HCN1: variants seen among roughly 807,000 people sequenced by gnomAD.
HCN1 encodes the protein potassium/sodium hyperpolarization-activated cyclic nucleotide-gated channel 1.
A neutral mutation model predicts 78.9 loss-of-function variants in HCN1; 13 were observed. The ratio of observed to expected loss-of-function variants is 0.16; its 90% CI spans 0.11 to 0.26. The LOEUF (loss-of-function observed/expected upper bound fraction) is 0.26. Ranked by LOEUF, HCN1 falls within the 10% of genes least tolerant of loss-of-function variation. The pLI is 1.00. For synonymous variants in HCN1, 552 were observed against 455.5 expected (o/e 1.21, Z -2.70); for missense variants, 810 against 1,154.3 (o/e 0.70, Z 4.32).
chr5:45,671,319 T>C (rs1746145343), intron 1 of HCN1, among the ~76,000 whole-genome samples: 1 of 151,500 alleles, frequency 6.6e-6, no homozygotes, highest in Non-Finnish European at 1.5e-5. Flanking sequence ...TACTCTGTCC[T>C]ATTAACCCTA....
At chr5:45,312,097 G>T (rs1389830364) in intron 5 of HCN1, among the ~76,000 whole-genome samples, 1 of 152,126 alleles carries the variant, frequency 6.6e-6, no homozygotes, top group African/African-American at 2.4e-5. Flanking sequence ...GATGTTTCTG[G>T]GATCCACCTT....
intron 2 of HCN1, among the ~76,000 whole-genome samples, chr5:45,476,734 A>C (rs1275849078): frequency 6.6e-6 from 1 of 152,138 alleles, no homozygotes; most frequent in Non-Finnish European, 1.5e-5. Flanking sequence ...ATACAGGCTG[A>C]GGATCTCTAA....
At chr5:45,387,265 G>T (rs1324991371) in intron 4 of HCN1, among the ~76,000 whole-genome samples, 2 of 151,896 alleles carry the variant, frequency 1.3e-5, no homozygotes, top group African/African-American at 4.8e-5. Flanking sequence ...TTTGACTTCA[G>T]AAAGTAAACT....
chr5:45,373,108 A>T (rs1747461031), intron 4 of HCN1, among the ~76,000 whole-genome samples: 1 of 132,258 alleles, frequency 7.6e-6, no homozygotes, highest in African/African-American at 2.7e-5. Context: ...TATAAAATAC[A>T]TATAGTATAT....
intron 2 of HCN1, among the ~76,000 whole-genome samples, chr5:45,564,725 C>G (rs1315918569): frequency 6.6e-6 from 1 of 152,098 alleles, no homozygotes; most frequent in African/African-American, 2.4e-5. Context: ...TTAACATAAG[C>G]TTTCCATAAT....
chr5:45,464,254 T>C (rs968702854), intron 2 of HCN1, among the ~76,000 whole-genome samples: 1 of 152,102 alleles, frequency 6.6e-6, no homozygotes, highest in East Asian at 1.9e-4. Flanking sequence ...TTAATGGGGA[T>C]ATAACATCAA....
chr5:45,453,233 G>A (rs12519313), intron 3 of HCN1, among the ~76,000 whole-genome samples: 6,937 of 152,084 alleles, frequency 0.046, 258 homozygotes, highest in East Asian at 0.14. Flanking sequence ...CCGTATATCC[G>A]TAAATTGAAT....
At chr5:45,479,215 A>G (rs544728614) in intron 2 of HCN1, among the ~76,000 whole-genome samples, 1 of 152,220 alleles carries the variant, frequency 6.6e-6, no homozygotes, top group African/African-American at 2.4e-5. Flanking sequence ...GTGACTCCTA[A>G]AGAAATTCAG....
rs1373945957 is a variant in HCN1, at chr5:45,591,261, G to GT, written c.849+53923dup. Among the ~76,000 whole-genome samples the GT allele has an allele frequency of 8.5e-5, 13 of 152,252 alleles. No individual in the cohort carries two copies. The South Asian group carries it at 1.0e-3, about 12-fold the overall frequency. On this transcript the variant is annotated intron_variant, in intron 2 of 7. Transcript: ENST00000303230. ...TGTGCAGATTTTTGCACTAATGTAA[G>GT]TTTTTAATTCTTTTGGGTAAATACC...
At chr5:45,538,586 C>A (rs1392774835) in intron 2 of HCN1, among the ~76,000 whole-genome samples, 1 of 152,044 alleles carries the variant, frequency 6.6e-6, no homozygotes, top group Non-Finnish European at 1.5e-5. Context: ...TTTCTAAATG[C>A]CTGATAAAAA....
intron 6 of HCN1, among the ~76,000 whole-genome samples, chr5:45,290,419 G>C (rs1276287176): frequency 6.6e-6 from 1 of 152,008 alleles, no homozygotes; most frequent in Non-Finnish European, 1.5e-5. Flanking sequence ...CATATGAATT[G>C]TAGGGGACAT....
At chr5:45,596,286 A>G (rs1037813197) in intron 2 of HCN1, among the ~76,000 whole-genome samples, 2 of 152,178 alleles carry the variant, frequency 1.3e-5, no homozygotes, top group Non-Finnish European at 1.5e-5. Flanking sequence ...TATTTGCCTC[A>G]TTGAGATTAT....
At chr5:45,291,866 C>A (rs1370573031) in intron 6 of HCN1, among the ~76,000 whole-genome samples, 1 of 151,940 alleles carries the variant, frequency 6.6e-6, no homozygotes, top group Non-Finnish European at 1.5e-5. Context: ...CCAAAATATT[C>A]TTTTATTAAC....
At chr5:45,486,074 G>A (rs570984451) in intron 2 of HCN1, among the ~76,000 whole-genome samples, 7 of 152,256 alleles carry the variant, frequency 4.6e-5, no homozygotes, top group Non-Finnish European at 8.8e-5. Context: ...ACTAAGTGAT[G>A]CATGTAAGGT....
Position 45,443,231 on chromosome 5 carries a change from C to A in HCN1, c.1011+18615G>T, listed in dbSNP as rs553234788. Among the ~76,000 whole-genome samples the A allele has an allele frequency of 4.6e-5, 7 of 152,106 alleles. No homozygotes were observed. The East Asian group carries it at 9.6e-4, about 21-fold the overall frequency. On this transcript the variant is annotated intron_variant, in intron 3 of 7. Transcript: ENST00000303230. ...ATACAGGGCACTGGATTGGACTGAA[C>A]CTGCATTAATTCCATAGCCAAGAAT...
chr5:45,583,960 A>G (rs765898635), intron 2 of HCN1, among the ~76,000 whole-genome samples: 7 of 152,108 alleles, frequency 4.6e-5, no homozygotes, highest in South Asian at 4.1e-4. Flanking sequence ...TATGTGGTCA[A>G]TTTTGGAATA....
intron 2 of HCN1, among the ~76,000 whole-genome samples, chr5:45,628,397 C>G (rs891691834): frequency 4.6e-5 from 7 of 151,918 alleles, no homozygotes; most frequent in African/African-American, 1.7e-4. Flanking sequence ...TCATAAAGCT[C>G]TCAAAAAATC....
chr5:45,368,096 A>G (rs1172734495), intron 4 of HCN1, among the ~76,000 whole-genome samples: 4 of 152,042 alleles, frequency 2.6e-5, no homozygotes, highest in Admixed American at 2.0e-4. Context: ...AGCTTACACT[A>G]TTCCTAACAA....
chr5:45,467,821 C>A (rs893769823), intron 2 of HCN1, among the ~76,000 whole-genome samples: 1 of 152,102 alleles, frequency 6.6e-6, no homozygotes. Flanking sequence ...ACAATAAAAT[C>A]TCTCAATTCC....
Sources: allele counts gnomAD v4.1 joint callset (sites outside exome capture counted in the v4.1 genomes callset), GRCh38; gene constraint gnomAD v4.1.1; transcripts MANE v1.5; gene names NCBI Gene and HGNC (gene_info 2026-07-23, HGNC 2026-07-21).